FAM168A: variants seen among roughly 807,000 people sequenced by gnomAD.
FAM168A encodes the protein family with sequence similarity 168 member A.
In FAM168A, 3 loss-of-function variants were observed where a neutral mutation model predicts 28.5. The observed-to-expected ratio is 0.11, with a 90% CI of 0.05 to 0.27. FAM168A has a LOEUF of 0.27. Ranked by LOEUF, FAM168A falls within the 10% of genes least tolerant of loss-of-function variation. The pLI, the probability that FAM168A is intolerant of heterozygous loss-of-function variation, is 1.00. For missense variants in FAM168A, 222 were observed against 311.5 expected, an observed-to-expected ratio of 0.71 and a Z score of 2.16; for synonymous variants, 122 against 124.2, an observed-to-expected ratio of 0.98 and a Z score of 0.12.
chr11:73,586,743 C>T (rs959677103), intron 1 of FAM168A, among the ~76,000 whole-genome samples: 1 of 152,192 alleles, frequency 6.6e-6, no homozygotes, highest in African/African-American at 2.4e-5. Context: ...TCTTTTTCTA[C>T]TGCAAATGTA....
chr11:73,582,675 T>C (rs189328498), intron 1 of FAM168A, among the ~76,000 whole-genome samples: 113 of 152,326 alleles, frequency 7.4e-4, no homozygotes, highest in South Asian at 1.5e-3. Flanking sequence ...AGCATTCATT[T>C]TATATTATCT....
intron 2 of FAM168A, among the ~76,000 whole-genome samples, chr11:73,441,911 T>G (rs1867202409): frequency 6.6e-6 from 1 of 152,212 alleles, no homozygotes; most frequent in Non-Finnish European, 1.5e-5. Flanking sequence ...TTGTTCTTCA[T>G]CAGCCTAGCT....
chr11:73,520,399 AAAAT>A (rs1470151924), intron 1 of FAM168A, among the ~76,000 whole-genome samples: 1 of 152,180 alleles, frequency 6.6e-6, no homozygotes, highest in Non-Finnish European at 1.5e-5. Flanking sequence ...GATATAAAAC[AAAAT>A]AACTCAAGTA....
chr11:73,516,727 T>C (rs896116210), intron 1 of FAM168A, among the ~76,000 whole-genome samples: 2 of 152,218 alleles, frequency 1.3e-5, no homozygotes, highest in African/African-American at 4.8e-5. Context: ...GGCAATTCAC[T>C]TCTAATTCAG....
chr11:73,409,758 G>C (rs1866575562), intron 5 of FAM168A, 97 bp from the exon 6 acceptor site: 6 of 1,272,148 alleles, frequency 4.7e-6, no homozygotes, highest in Middle Eastern at 2.7e-4. Flanking sequence ...CCGGACCCCA[G>C]CTGGGGCTCT....
chr11:73,533,608 T>C, intron 1 of FAM168A, among the ~76,000 whole-genome samples: 1 of 152,016 alleles, frequency 6.6e-6, no homozygotes, highest in East Asian at 1.9e-4. Context: ...CTAAAAAGCA[T>C]AGTATTCACA....
chr11:73,526,291 T>C (rs1590833621), intron 1 of FAM168A, among the ~76,000 whole-genome samples: 1 of 152,154 alleles, frequency 6.6e-6, no homozygotes, highest in Non-Finnish European at 1.5e-5. Context: ...ATTAAAACAA[T>C]GAGATATTTT....
chr11:73,563,648 G>T (rs1943984783), intron 1 of FAM168A, among the ~76,000 whole-genome samples: 1 of 152,166 alleles, frequency 6.6e-6, no homozygotes, highest in African/African-American at 2.4e-5. Context: ...CAGAAGGGGA[G>T]ACCCAAAAGC....
chr11:73,425,136 G>A, intron 3 of FAM168A: 1 of 908,332 alleles, frequency 1.1e-6, no homozygotes, highest in Non-Finnish European at 1.6e-6. Context: ...ACTTTGTTTT[G>A]CAATAGCAGT....
chr11:73,477,405 GA>G (rs948036110), intron 1 of FAM168A, among the ~76,000 whole-genome samples: 10 of 147,778 alleles, frequency 6.8e-5, no homozygotes, highest in African/African-American at 2.0e-4. Context: ...ACCACAAATT[GA>G]AAAAAAAAGA....
At chr11:73,481,748 G>A (rs1223732894) in intron 1 of FAM168A, among the ~76,000 whole-genome samples, 1 of 152,202 alleles carries the variant, frequency 6.6e-6, no homozygotes, top group African/African-American at 2.4e-5. Flanking sequence ...CTAGCTGGAA[G>A]AGGTCTGTGG....
intron 1 of FAM168A, among the ~76,000 whole-genome samples, chr11:73,489,776 G>T (rs2134606493): frequency 6.6e-6 from 1 of 152,250 alleles, no homozygotes; most frequent in Non-Finnish European, 1.5e-5. Context: ...TTCGCAAAGT[G>T]TTGAATTACA....
chr11:73,521,666 T>C (rs559995774), intron 1 of FAM168A, among the ~76,000 whole-genome samples: 5 of 152,276 alleles, frequency 3.3e-5, no homozygotes, highest in South Asian at 4.1e-4. Context: ...TTGCAGCTAA[T>C]GTCTGAGAAG....
chr11:73,573,458 G>A (rs1944132473), intron 1 of FAM168A, among the ~76,000 whole-genome samples: 1 of 152,140 alleles, frequency 6.6e-6, no homozygotes, highest in Non-Finnish European at 1.5e-5. Context: ...CTCTGGGCCT[G>A]CCTCACAGTA....
intron 1 of FAM168A, among the ~76,000 whole-genome samples, chr11:73,543,858 G>A (rs759348523): frequency 6.6e-6 from 1 of 152,156 alleles, no homozygotes; most frequent in African/African-American, 2.4e-5. Flanking sequence ...GATACATAAA[G>A]TGGCTCACAT....
At chr11:73,429,790 C>T (rs1037339477) in intron 3 of FAM168A, among the ~76,000 whole-genome samples, 1 of 152,174 alleles carries the variant, frequency 6.6e-6, no homozygotes, top group Non-Finnish European at 1.5e-5. Flanking sequence ...GCCAGGCTCC[C>T]AAATGGGAGC....
chr11:73,568,279 C>T (rs1170855612), intron 1 of FAM168A, among the ~76,000 whole-genome samples: 2 of 152,098 alleles, frequency 1.3e-5, no homozygotes, highest in African/African-American at 4.8e-5. Context: ...CACATTAAAA[C>T]AATTAATTCT....
intron 1 of FAM168A, among the ~76,000 whole-genome samples, chr11:73,545,018 A>AAT (rs1491345618): frequency 1.3e-5 from 1 of 75,708 alleles, no homozygotes; most frequent in African/African-American, 8.6e-5. Flanking sequence ...CTATATATAT[A>AAT]GTATATATAA....
intron 2 of FAM168A, among the ~76,000 whole-genome samples, chr11:73,433,040 T>C (rs1867023298): frequency 6.7e-6 from 1 of 149,862 alleles, no homozygotes; most frequent in African/African-American, 2.5e-5. Flanking sequence ...GCTTCCTGAA[T>C]AGCTAGGCCT....
Sources: allele counts gnomAD v4.1 joint callset (sites outside exome capture counted in the v4.1 genomes callset), GRCh38; gene constraint gnomAD v4.1.1; transcripts MANE v1.5; gene names NCBI Gene and HGNC (gene_info 2026-07-23, HGNC 2026-07-21).